Variants in TNNI3K observed in about 807,000 individuals in gnomAD.
TNNI3K encodes TNNI3 interacting kinase, also known as serine/threonine-protein kinase TNNI3K.
In TNNI3K, 140 loss-of-function variants were observed where a neutral mutation model predicts 114.5. That is an observed-to-expected ratio of 1.22 (90% CI 1.07 to 1.41). The LOEUF is 1.41. Among genes scored for constraint, TNNI3K ranks in the 40% most tolerant of loss-of-function variants. The pLI is 0.00. For missense variants in TNNI3K, 1,125 were observed against 1,007.6 expected (o/e 1.12, Z -1.58); for synonymous variants, 347 against 347.5 (o/e 1.00, Z 0.02).
intron 5 of TNNI3K, among the ~76,000 whole-genome samples, chr1:74,289,811 A>C (rs1657565247): frequency 1.3e-5 from 2 of 151,958 alleles, no homozygotes; most frequent in Non-Finnish European, 2.9e-5. Flanking sequence ...CTTTTAGCCT[A>C]ATACATTGGC....
chr1:74,385,765 A>G (rs1228874612), intron 17 of TNNI3K, among the ~76,000 whole-genome samples: 2 of 152,220 alleles, frequency 1.3e-5, no homozygotes, highest in Non-Finnish European at 2.9e-5. Context: ...GAGACTGTGC[A>G]CTTACTTTCT....
intron 23 of TNNI3K, among the ~76,000 whole-genome samples, chr1:74,534,963 A>C (rs1415455230): frequency 6.6e-6 from 1 of 152,216 alleles, no homozygotes; most frequent in Non-Finnish European, 1.5e-5. Flanking sequence ...AAATGTATTT[A>C]GACAAAAGCT....
intron 17 of TNNI3K, among the ~76,000 whole-genome samples, chr1:74,419,465 C>A (rs1260632485): frequency 6.6e-6 from 1 of 152,084 alleles, no homozygotes; most frequent in Non-Finnish European, 1.5e-5. Flanking sequence ...ACTATCCATG[C>A]TACAATTAGG....
chr1:74,252,857 G>T (rs1359448053), intron 4 of TNNI3K, among the ~76,000 whole-genome samples: 1 of 152,170 alleles, frequency 6.6e-6, no homozygotes, highest in Non-Finnish European at 1.5e-5. Context: ...GCAAAGAGCT[G>T]AACAACAAAG....
intron 17 of TNNI3K, chr1:74,372,002 T>C (rs1006960275): frequency 2.0e-5 from 3 of 149,578 alleles, no homozygotes; most frequent in African/African-American, 7.5e-5. Context: ...TTATTCAAGC[T>C]CAAAGCTTGA....
chr1:74,356,309 G>A (rs1376795700), intron 11 of TNNI3K, among the ~76,000 whole-genome samples: 1 of 152,010 alleles, frequency 6.6e-6, no homozygotes, highest in Non-Finnish European at 1.5e-5. Context: ...TCAATTTGGG[G>A]CTATTAAGAG....
rs1424763636 is a variant in TNNI3K, at chr1:74,353,286, G to A, written c.953G>A (p.Ser318Asn). The change falls in exon 10 of 25, where the codon AGC becomes AAC. Residue 318 changes from serine (S) to asparagine (N), a missense_variant. Transcript: ENST00000326637. ...TTCAGTGCTTGTACCTATGGCAAGAGCATTGACCTAGTCAAATTTCTTCTT... is the reference window on the plus strand; with the variant it reads ...TTCAGTGCTTGTACCTATGGCAAGAACATTGACCTAGTCAAATTTCTTCTT... Reference protein sequence around the residue: ...AFHSACTYGKSIDLVKFLLDQ... With the variant: ...AFHSACTYGKNIDLVKFLLDQ... 3 of 1,613,682 alleles carry A rather than the reference G, an allele frequency of 1.9e-6. No individual in the cohort carries two copies. The highest frequency in any genetic ancestry group is 2.5e-6 in the Non-Finnish European group (3 of 1,179,880).
chr1:74,342,859 G>A lies in TNNI3K; in HGVS notation c.700G>A (p.Glu234Lys). ...SKADVNAQDNEDHVPLHFCSR... is the reference protein window; with the variant it reads ...SKADVNAQDNKDHVPLHFCSR... Reference sequence around the variant, plus strand: ...GATAACAGTGAATGCTCAAGATAATGAAGACCATGTCCCACTCCATTTCTG... The same window carrying A: ...GATAACAGTGAATGCTCAAGATAATAAAGACCATGTCCCACTCCATTTCTG... The change falls in exon 8 of 25, where the codon GAA (glutamate) becomes AAA (lysine). Residue 234 changes from glutamate to lysine, a missense_variant. Coordinates refer to ENST00000326637, the MANE Select transcript of TNNI3K (RefSeq NM_015978.3). 6.2e-7 allele frequency: 1 copy of A among 1,613,450 alleles called. No individual in the cohort carries two copies. The highest frequency in any genetic ancestry group is 2.2e-5 in the East Asian group (1 of 44,846).
intron 17 of TNNI3K, among the ~76,000 whole-genome samples, chr1:74,413,396 T>C (rs1257280126): frequency 6.6e-6 from 1 of 152,210 alleles, no homozygotes; most frequent in African/African-American, 2.4e-5. Context: ...CACCTCTTCT[T>C]AATCCCAAGC....
chr1:74,354,205 T>C lies in TNNI3K; in HGVS notation c.1177+76T>C, dbSNP rs575134628. 3.6e-4 allele frequency: 564 copies of C among 1,578,124 alleles called. 3 individuals carry two copies. The South Asian group carries it at 6.5e-3, about 18-fold the overall frequency. ...TAGATTATGTCAGTGCATCAATAAT[T>C]ACTTTGCTTGCATGACTTGAACACT... On this transcript the variant is annotated intron_variant, in intron 11 of 24. Coordinates refer to ENST00000326637, the MANE Select transcript of TNNI3K (RefSeq NM_015978.3).
At chr1:74,543,483 A>G (rs1377304684) in intron 24 of TNNI3K, among the ~76,000 whole-genome samples, 1 of 152,146 alleles carries the variant, frequency 6.6e-6, no homozygotes, top group Non-Finnish European at 1.5e-5. Context: ...AATAAGTGCT[A>G]TTGTTTCTCC....
chr1:74,271,966 C>T (rs926766054), intron 5 of TNNI3K, among the ~76,000 whole-genome samples: 5 of 151,880 alleles, frequency 3.3e-5, no homozygotes, highest in Admixed American at 3.3e-4. Context: ...TCAGTTTCCA[C>T]AACTTGCTAT....
chr1:74,452,598 G>A (rs192816698), intron 20 of TNNI3K, among the ~76,000 whole-genome samples: 1 of 151,978 alleles, frequency 6.6e-6, no homozygotes, highest in African/African-American at 2.4e-5. Flanking sequence ...ATAGTATCCT[G>A]CCTTCAGCTT....
chr1:74,497,125 A>T (rs1669368512), intron 23 of TNNI3K, among the ~76,000 whole-genome samples: 1 of 152,180 alleles, frequency 6.6e-6, no homozygotes, highest in South Asian at 2.1e-4. Context: ...AGTTGAATAT[A>T]ACTTATAAAA....
At chr1:74,529,827 A>G (rs1017310652) in intron 23 of TNNI3K, among the ~76,000 whole-genome samples, 1 of 152,196 alleles carries the variant, frequency 6.6e-6, no homozygotes, top group Non-Finnish European at 1.5e-5. Context: ...GTCTTTGCAC[A>G]TGCCCCTGCT....
chr1:74,371,311 G>A (rs539472325), intron 17 of TNNI3K: 9 of 151,956 alleles, frequency 5.9e-5, no homozygotes, highest in African/African-American at 1.7e-4. Flanking sequence ...CAGCACAGTA[G>A]AGCTTACAAA....
chr1:74,351,871 A>AT (rs560021315), intron 9 of TNNI3K, among the ~76,000 whole-genome samples: 12 of 150,860 alleles, frequency 8.0e-5, no homozygotes, highest in Admixed American at 4.6e-4. Context: ...CATTTGTCTA[A>AT]TTTTTTTTTC....
chr1:74,373,270 A>G (rs1391376909), intron 17 of TNNI3K: 1 of 151,936 alleles, frequency 6.6e-6, no homozygotes, highest in African/African-American at 2.4e-5. Context: ...ATGAAAGTTG[A>G]GTAGAATGCT....
At chr1:74,503,082 C>T (rs1215719560) in intron 23 of TNNI3K, among the ~76,000 whole-genome samples, 1 of 152,124 alleles carries the variant, frequency 6.6e-6, no homozygotes, top group Admixed American at 6.5e-5. Context: ...CCTCATTAAA[C>T]GTACTCTCCA....
Sources: gnomAD v4.1 joint callset for allele counts (sites outside exome capture counted in the v4.1 genomes callset) on GRCh38, gnomAD v4.1.1 for gene constraint, MANE v1.5 for transcripts, NCBI Gene and HGNC (gene_info 2026-07-23, HGNC 2026-07-21) for gene names.